The following DTX4 variants were observed in gnomAD, a reference collection of about 807,000 sequenced individuals.
DTX4 encodes E3 ubiquitin-protein ligase DTX4.
Under a neutral mutation model 57.6 loss-of-function variants are expected in DTX4, and 28 were observed. That is an observed-to-expected ratio of 0.49 (90% confidence interval 0.36 to 0.67). DTX4 has a LOEUF of 0.67. Ranked by LOEUF, DTX4 falls within the 30% of genes least tolerant of loss-of-function variation. DTX4 has a pLI of 0.00. For synonymous variants in DTX4, 316 were observed against 331.0 expected (o/e 0.95, Z 0.49); for missense variants, 715 against 836.8 (o/e 0.85, Z 1.80).
Position 59,181,999 on chromosome 11 carries a change from G to A in DTX4, c.472G>A (p.Asp158Asn), listed in dbSNP as rs762137999. Residue 158 changes from aspartate to asparagine, a missense_variant, in exon 2 of 9, where the codon GAC (aspartate) becomes AAC (asparagine). Coordinates refer to ENST00000227451, the MANE Select transcript of DTX4 (RefSeq NM_015177.2). ...QRQRRVRRRL[D>N]LIYPMVTGTL... is the part of the protein sequence containing the mutation. ...CCAACGCCGCGTCCGCCGGCGCCTC[G>A]ACCTCATCTACCCCATGGTCACAGG... 91 of 1,613,714 alleles carry A rather than the reference G, an allele frequency of 5.6e-5. No individual in the cohort carries two copies. Among genetic ancestry groups the A allele is most frequent in the Non-Finnish European group, 2.3e-5 (27 of 1,179,864 alleles).
chr11:59,191,254 G>T, intron 5 of DTX4, 79 bp downstream of exon 5: 1 of 1,405,868 alleles, frequency 7.1e-7, no homozygotes, highest in South Asian at 1.3e-5. Context: ...GGTTTCTACA[G>T]GATATGGCGG....
In DTX4 at chr11:59,189,211, C is replaced by G; in HGVS notation, c.1047C>G (p.Thr349=). 1 of 1,613,652 alleles carries G rather than the reference C, an allele frequency of 6.2e-7. No homozygotes were observed. The highest frequency in any genetic ancestry group is 8.5e-7 in the Non-Finnish European group (1 of 1,179,806). ...MSAAGLPVCL[T]RPPKLVLHPP... is the part of the protein sequence containing the mutation. ...CAGCGGGGCTGCCTGTGTGTCTCACCAGGCCACCAAAGCTGGTCCTACACC... is the reference window on the plus strand; with the variant it reads ...CAGCGGGGCTGCCTGTGTGTCTCACGAGGCCACCAAAGCTGGTCCTACACC... The change falls in exon 4 of 9, where the codon ACC becomes ACG. Residue 349 remains threonine, a synonymous_variant. Transcript: ENST00000227451.
intron 8 of DTX4, among the ~76,000 whole-genome samples, chr11:59,201,481 C>G (rs1007288613): frequency 6.6e-6 from 1 of 152,172 alleles, no homozygotes; most frequent in Non-Finnish European, 1.5e-5. Flanking sequence ...TTTAGAGCCC[C>G]TGGATGCTTG....
At position 59,182,315 on chromosome 11, in the gene DTX4, C is replaced by A; in HGVS notation, c.788C>A (p.Ser263Tyr). ...APSQVIRRQA[S>Y]SMPTGTTMGS... is the part of the protein sequence containing the mutation. ...TCGCAGGTGATCCGGAGACAAGCCT[C>A]CAGCATGCCCACTGGGACAACCATG... is the stretch of plus-strand genomic sequence containing the variant. The change falls in exon 2 of 9, where the codon TCC becomes TAC. Residue 263 changes from serine (S) to tyrosine (Y), a missense_variant. Physicochemically the swap from Ser to Tyr is moderately radical, Grantham distance 144 (BLOSUM62 -2). Transcript: ENST00000227451. 3 of 1,612,746 alleles carry A rather than the reference C, an allele frequency of 1.9e-6. No homozygotes were observed. The highest frequency in any genetic ancestry group is 2.5e-6 in the Non-Finnish European group (3 of 1,179,822).
chr11:59,205,945 CA>C lies in DTX4; in HGVS notation c.*1038del, dbSNP rs1446496523. On this transcript the variant is annotated 3_prime_UTR_variant, in exon 9 of 9. Coordinates refer to ENST00000227451, the MANE Select transcript of DTX4 (RefSeq NM_015177.2). Reference sequence around the variant, plus strand: ...CCAAACCCCAGTTCTGATGGGGCTCCAACAGCCAGGCTGTGGTCCTTTGACG... The same window carrying C: ...CCAAACCCCAGTTCTGATGGGGCTCCACAGCCAGGCTGTGGTCCTTTGACG... 6.6e-6 allele frequency: 1 copy of C among 152,606 alleles called. No individual in the cohort carries two copies. The highest frequency in any genetic ancestry group is 2.4e-5 in the African/African-American group (1 of 41,466). The allele number at this position is 152,606 out of a possible 1,614,324, so 9.5% of individuals were successfully genotyped here.
chr11:59,199,223 C>T (rs912395327), intron 7 of DTX4, among the ~76,000 whole-genome samples: 1 of 151,988 alleles, frequency 6.6e-6, no homozygotes, highest in Non-Finnish European at 1.5e-5. Flanking sequence ...GAAACCTGGG[C>T]TTCAATTTTA....
rs368526239 is a variant in DTX4, at chr11:59,191,128, G to C, written c.1174G>C (p.Glu392Gln). The C allele has an allele frequency of 2.5e-6, 4 of 1,572,370 alleles. No individual in the cohort carries two copies. The African/African-American group carries it at 5.4e-5, about 21-fold the overall frequency. Residue 392 changes from glutamate to glutamine, a missense_variant, in exon 5 of 9, where the codon GAA becomes CAA. Physicochemically the swap from Glu to Gln is conservative, Grantham distance 29. Transcript: ENST00000227451. ...TGTCTCTGCAGGTAAAACCCCAGAG[G>C]AAGTGCTAAAAAAATATCTACAGAA... ...KQAKKGKTPEEVLKKYLQKVR... is the reference protein window; with the variant it reads ...KQAKKGKTPEQVLKKYLQKVR...
At chr11:59,178,000 T>C (rs1862416448) in intron 1 of DTX4, among the ~76,000 whole-genome samples, 1 of 152,196 alleles carries the variant, frequency 6.6e-6, no homozygotes. Context: ...GCCACACAAA[T>C]ACATATGTAA....
At chr11:59,176,706 C>T (rs1440336759) in intron 1 of DTX4, among the ~76,000 whole-genome samples, 1 of 152,236 alleles carries the variant, frequency 6.6e-6, no homozygotes, top group Admixed American at 6.5e-5. Context: ...CATGGCCTTC[C>T]ACTTCCCAGA....
At chr11:59,180,954 C>G (rs773157717) in intron 1 of DTX4, among the ~76,000 whole-genome samples, 14 of 152,134 alleles carry the variant, frequency 9.2e-5, no homozygotes, top group Non-Finnish European at 1.8e-4. Flanking sequence ...ACTTTTGCTA[C>G]TGATATAAGA....
intron 6 of DTX4, 67 bp downstream of exon 6, chr11:59,192,317 G>C (rs1184889034): frequency 1.3e-6 from 2 of 1,564,240 alleles, no homozygotes; most frequent in Non-Finnish European, 1.8e-6. Context: ...AGATGGTGAA[G>C]GCCCTTTAGG....
intron 8 of DTX4, 67 bp from the exon 9 acceptor site, chr11:59,204,609 C>T (rs1478383219): frequency 7.0e-6 from 10 of 1,428,718 alleles, no homozygotes; most frequent in South Asian, 3.7e-5. Context: ...GATTCTCTAC[C>T]GTCCAAGGGA....
chr11:59,191,882 A>G (rs1395063655), intron 5 of DTX4, among the ~76,000 whole-genome samples: 1 of 152,222 alleles, frequency 6.6e-6, no homozygotes, highest in Non-Finnish European at 1.5e-5. Context: ...GATAATTTAG[A>G]TGATGAGCCC....
At chr11:59,175,271 C>T (rs1007128154) in intron 1 of DTX4, among the ~76,000 whole-genome samples, 9 of 152,218 alleles carry the variant, frequency 5.9e-5, no homozygotes, top group African/African-American at 2.2e-4. Flanking sequence ...TGGAAGTCCC[C>T]TGCCCAGAGG....
chr11:59,186,189 T>C (rs1226279385), intron 2 of DTX4, among the ~76,000 whole-genome samples: 1 of 152,110 alleles, frequency 6.6e-6, no homozygotes, highest in Non-Finnish European at 1.5e-5. Context: ...GAACCCATAG[T>C]CTTCTTGTGT....
intron 2 of DTX4, among the ~76,000 whole-genome samples, chr11:59,183,838 C>A (rs1278209620): frequency 6.6e-6 from 1 of 152,188 alleles, no homozygotes; most frequent in East Asian, 1.9e-4. Context: ...ATGGAGTTAT[C>A]GTGAAAACCT....
chr11:59,201,907 G>A (rs1261476110), intron 8 of DTX4, among the ~76,000 whole-genome samples: 1 of 152,146 alleles, frequency 6.6e-6, no homozygotes, highest in African/African-American at 2.4e-5. Context: ...ACCCAGATGG[G>A]CACATTAACC....
chr11:59,207,119 G>A lies in DTX4; in HGVS notation c.*2210G>A, dbSNP rs985189263. On this transcript the variant is annotated 3_prime_UTR_variant, in exon 9 of 9. Transcript: ENST00000227451. ...TATCTGCTGAGCTTCTTGGCCGCAA[G>A]GATGCAGAAATAGGCTGAGGGTCCA... is the stretch of plus-strand genomic sequence containing the variant. 1 of 152,268 alleles carries A rather than the reference G, an allele frequency of 6.6e-6. No individual in the cohort carries two copies. Among genetic ancestry groups the A allele is most frequent in the Admixed American group, 6.5e-5 (1 of 15,286 alleles). 9.4% of individuals were successfully genotyped at this position (152,268 alleles called of 1,614,324 possible).
chr11:59,184,915 T>C (rs900591927), intron 2 of DTX4, among the ~76,000 whole-genome samples: 1 of 152,208 alleles, frequency 6.6e-6, no homozygotes, highest in Non-Finnish European at 1.5e-5. Context: ...GGCCATTTAA[T>C]TAGCGTGTTT....
Sources: gnomAD v4.1 joint callset for allele counts (sites outside exome capture counted in the v4.1 genomes callset) on GRCh38, gnomAD v4.1.1 for gene constraint, MANE v1.5 for transcripts, NCBI Gene and HGNC (gene_info 2026-07-23, HGNC 2026-07-21) for gene names.